Variants in IQCH observed in about 807,000 individuals in gnomAD.
IQCH encodes IQ motif containing H.
A neutral mutation model predicts 117.0 loss-of-function variants in IQCH; 98 were observed. The observed-to-expected ratio is 0.84, with a 90% CI of 0.71 to 0.99. The LOEUF (loss-of-function observed/expected upper bound fraction) is 0.99. Ranked by LOEUF, IQCH falls within the 50% of genes least tolerant of loss-of-function variation. The pLI is 0.00. For missense variants in IQCH, 1,102 were observed against 1,243.8 expected (o/e 0.89, Z 1.72); for synonymous variants, 412 against 448.2 (o/e 0.92, Z 1.02).
In IQCH at chr15:67,447,283, C is replaced by T. The variant is rs941835345; in HGVS notation, c.2506-17844C>T. Among the ~76,000 whole-genome samples, 3 of 152,214 alleles carry T rather than the reference C, an allele frequency of 2.0e-5. No individual in the cohort carries two copies. The highest frequency in any genetic ancestry group is 6.5e-5 in the Admixed American group (1 of 15,272). On this transcript the variant is annotated intron_variant, in intron 16 of 20. Coordinates refer to ENST00000335894, the MANE Select transcript of IQCH (RefSeq NM_001031715.3). This position sits in a 1 kb window ranked among gnomAD's most constrained non-coding sequence, Gnocchi z 5.3. The stretch of plus-strand genomic sequence containing the variant: ...CCTTCCTCTTTCCTTTCCCAAGTCT[C>T]CCTCCTTGAGTCTGTCCTACATGGT...
In IQCH at chr15:67,372,272, C is replaced by G; in HGVS notation, c.915C>G (p.Val305=). The change falls in exon 9 of 21, where the codon GTC becomes GTG. Residue 305 remains valine (V), a synonymous_variant. Transcript: ENST00000335894. ...WGGIFSLLEH[V]EKFLRNYAIP... is the part of the protein sequence containing the mutation. ...GTATTTTTTCTCTCTTGGAACACGT[C>G]GAGAAGTTTCTCAGGAACTATGCTA... The G allele has an allele frequency of 1.2e-6, 2 of 1,613,954 alleles. No homozygotes were observed. Among genetic ancestry groups the G allele is most frequent in the Non-Finnish European group, 8.5e-7 (1 of 1,179,980 alleles).
In IQCH at chr15:67,500,901, ATTGT is replaced by A. The variant is rs1282313927; in HGVS notation, c.*158_*161del. On this transcript the variant is annotated 3_prime_UTR_variant, in exon 21 of 21. Coordinates refer to ENST00000335894, the MANE Select transcript of IQCH (RefSeq NM_001031715.3). The surrounding 1 kb of genome is among the most constrained non-coding windows in gnomAD (Gnocchi z 4.4). ...TATAATGAAATGCTCTTTTTAAAAC[ATTGT>A]TTATTAAGTGATCTTATTTTATTTA... 2.3e-6 allele frequency: 1 copy of A among 428,188 alleles called. No individual in the cohort carries two copies. The highest frequency in any genetic ancestry group is 4.3e-6 in the Non-Finnish European group (1 of 234,354). The allele number at this position is 428,188 out of a possible 1,614,324, so 26.5% of individuals were successfully genotyped here. A position where few individuals can be genotyped will look rare whatever the true frequency, so the allele number is the denominator to read the frequency against.
chr15:67,448,256 G>T (rs1260127219), intron 16 of IQCH, among the ~76,000 whole-genome samples: 1 of 151,402 alleles, frequency 6.6e-6, no homozygotes. Context: ...TAAGTTTTAG[G>T]GTACATGTGC....
chr15:67,409,595 G>A (rs1056064814), intron 14 of IQCH, among the ~76,000 whole-genome samples: 3 of 152,288 alleles, frequency 2.0e-5, no homozygotes, highest in Non-Finnish European at 2.9e-5. Context: ...GAGAAGCAGC[G>A]AGTGGATAAT....
chr15:67,423,643 C>T (rs1307142102), intron 16 of IQCH, among the ~76,000 whole-genome samples: 1 of 150,228 alleles, frequency 6.7e-6, no homozygotes, highest in African/African-American at 2.4e-5. Flanking sequence ...TAGCTCACGC[C>T]TGTAATACCA....
chr15:67,264,486 T>C (rs896713157), intron 3 of IQCH, among the ~76,000 whole-genome samples: 4 of 152,180 alleles, frequency 2.6e-5, no homozygotes, highest in Non-Finnish European at 5.9e-5. Flanking sequence ...GCTTCCAAGC[T>C]CACTCATATA....
At chr15:67,283,038 A>G (rs1966426621) in intron 4 of IQCH, among the ~76,000 whole-genome samples, 1 of 152,214 alleles carries the variant, frequency 6.6e-6, no homozygotes, top group East Asian at 1.9e-4. Flanking sequence ...TAGTATTGGA[A>G]TATAAAGTCT....
rs2041422648 is a variant in IQCH at position 67,431,109 on chromosome 15, G to C, written c.2505+9532G>C. 6.6e-6 allele frequency among the ~76,000 whole-genome samples: 1 copy of C among 152,108 alleles called. No homozygotes were observed. Among genetic ancestry groups the C allele is most frequent in the Admixed American group, 6.5e-5 (1 of 15,280 alleles). On this transcript the variant is annotated intron_variant, in intron 16 of 20. Coordinates refer to ENST00000335894, the MANE Select transcript of IQCH (RefSeq NM_001031715.3). This position sits in a 1 kb window ranked among gnomAD's most constrained non-coding sequence, Gnocchi z 4.8. ...AGAAACAGGCTCACTTGGTGGGAAA[G>C]AGTGGTGGGAAAAAGCACAGAACAC...
At chr15:67,361,707 T>C (rs113898715) in intron 8 of IQCH, among the ~76,000 whole-genome samples, 1 of 152,320 alleles carries the variant, frequency 6.6e-6, no homozygotes, top group African/African-American at 2.4e-5. Context: ...TTCTATCTTA[T>C]AGCTCAGTTA....
In IQCH at chr15:67,388,059, A is replaced by G. The variant is rs1971164232; in HGVS notation, c.1457-772A>G. Reference sequence around the variant, plus strand: ...CTATTTTGTGAATGAATGGATGAACAAATGAATGACTTCATTGACTGCTGA... The same window carrying G: ...CTATTTTGTGAATGAATGGATGAACGAATGAATGACTTCATTGACTGCTGA... On this transcript the variant is annotated intron_variant, in intron 11 of 20. Coordinates refer to ENST00000335894, the MANE Select transcript of IQCH (RefSeq NM_001031715.3). This position sits in a 1 kb window ranked among gnomAD's most constrained non-coding sequence, Gnocchi z 5.5. 1.3e-5 allele frequency among the ~76,000 whole-genome samples: 2 copies of G among 152,230 alleles called. No individual in the cohort carries two copies. Among genetic ancestry groups the G allele is most frequent in the African/African-American group, 4.8e-5 (2 of 41,476 alleles).
intron 1 of IQCH, among the ~76,000 whole-genome samples, chr15:67,257,118 A>G (rs1023832213): frequency 6.6e-6 from 1 of 152,244 alleles, no homozygotes. Context: ...AGATCTGACC[A>G]TGACTTTGAC....
chr15:67,423,528 C>T (rs1320095588), intron 16 of IQCH, among the ~76,000 whole-genome samples: 2 of 148,906 alleles, frequency 1.3e-5, no homozygotes, highest in African/African-American at 5.0e-5. Context: ...ACCTCCTCTG[C>T]AGTGAGCCAG....
At chr15:67,274,712 T>C (rs940728095) in intron 3 of IQCH, among the ~76,000 whole-genome samples, 3 of 152,248 alleles carry the variant, frequency 2.0e-5, no homozygotes, top group Non-Finnish European at 4.4e-5. Flanking sequence ...TTGCTGTTGA[T>C]GTGCCTGTAT....
Position 67,337,075 on chromosome 15 carries a change from T to A in IQCH, c.488T>A (p.Leu163Ter), listed in dbSNP as rs1567107051. ...TDPYFTPIPV[L>*]QADAHKGILS... The stretch of plus-strand genomic sequence containing the variant: ...CCCTATTTCACTCCTATACCAGTCT[T>A]ACAAGCAGATGCCCACAAAGGTTAG... The change falls in exon 5 of 21, where the codon TTA (leucine) becomes TAA (stop). Residue 163 changes from leucine (L) to a stop codon, truncating the protein, a stop_gained. Transcript: ENST00000335894. LOFTEE classifies it high-confidence loss of function. 3 of 1,613,426 alleles carry A rather than the reference T, an allele frequency of 1.9e-6. No homozygotes were observed. The South Asian group carries it at 3.3e-5, about 18-fold the overall frequency.
intron 17 of IQCH, among the ~76,000 whole-genome samples, chr15:67,468,928 G>C (rs1428393139): frequency 6.6e-6 from 1 of 152,144 alleles, no homozygotes; most frequent in Non-Finnish European, 1.5e-5. Flanking sequence ...CAAGTATCAT[G>C]GCGAAAATAC....
intron 8 of IQCH, among the ~76,000 whole-genome samples, chr15:67,360,963 G>A (rs773910046): frequency 1.3e-5 from 2 of 152,236 alleles, no homozygotes; most frequent in East Asian, 1.9e-4. Flanking sequence ...ATGTGTTTAC[G>A]AACAGTAAGG....
rs1490064035 is a variant in IQCH at position 67,364,326 on chromosome 15, C to G, written c.753+4441C>G. 2.0e-5 allele frequency among the ~76,000 whole-genome samples: 3 copies of G among 152,112 alleles called. No homozygotes were observed. The highest frequency in any genetic ancestry group is 7.2e-5 in the African/African-American group (3 of 41,402). On this transcript the variant is annotated intron_variant, in intron 8 of 20. Transcript: ENST00000335894. The surrounding 1 kb of genome is among the most constrained non-coding windows in gnomAD (Gnocchi z 4.1). ...CTTTTAAAAAGAGTTACCATTTTCT[C>G]TAATTCATTAGAAATTGCCATCCTC...
intron 4 of IQCH, among the ~76,000 whole-genome samples, chr15:67,301,295 A>G (rs1371109144): frequency 2.0e-5 from 3 of 151,288 alleles, no homozygotes; most frequent in Admixed American, 6.6e-5. Context: ...TAATACAGCT[A>G]TGCTTATAAG....
At chr15:67,421,948 A>T (rs1179445040) in intron 16 of IQCH, among the ~76,000 whole-genome samples, 4 of 152,054 alleles carry the variant, frequency 2.6e-5, no homozygotes, top group Non-Finnish European at 5.9e-5. Flanking sequence ...AAAATACAAA[A>T]ATTAGCTGGG....
Sources: allele counts gnomAD v4.1 joint callset (sites outside exome capture counted in the v4.1 genomes callset), GRCh38; gene constraint gnomAD v4.1.1; non-coding constraint Gnocchi (gnomAD v3.1); transcripts MANE v1.5; gene names NCBI Gene and HGNC (gene_info 2026-07-23, HGNC 2026-07-21).